The following NUP93 variants were observed in gnomAD, a reference collection of about 807,000 sequenced individuals.
The protein encoded by NUP93 is nucleoporin 93.
NUP93 carries 55 observed loss-of-function variants against 107.8 expected under a neutral mutation model. The ratio of observed to expected loss-of-function variants is 0.51; its 90% CI spans 0.41 to 0.64. NUP93 has a LOEUF of 0.64. NUP93 is among the 30% of genes least tolerant of loss of function. The pLI is 0.00. For missense variants in NUP93, 937 were observed against 1,044.7 expected (o/e 0.90, Z 1.42); for synonymous variants, 390 against 397.5 (o/e 0.98, Z 0.22).
chr16:56,839,573 G>A lies in NUP93; in HGVS notation c.2189G>A (p.Arg730Lys). The A allele has an allele frequency of 6.2e-7, 1 of 1,614,070 alleles. No homozygotes were observed. Among genetic ancestry groups the A allele is most frequent in the Non-Finnish European group, 8.5e-7 (1 of 1,179,966 alleles). Residue 730 changes from arginine to lysine, a missense_variant, in exon 20 of 22, where the codon AGA (arginine) becomes AAA (lysine). By Grantham distance (26) the Arg-to-Lys change is conservative (BLOSUM62 2). Coordinates refer to ENST00000308159, the MANE Select transcript of NUP93 (RefSeq NM_014669.5). ...CTGAATCAGGAAAGTGTGGAAGAGA[G>A]AGTGGCTGCCTTCAGAAATTTCAGT... Reference protein sequence around the residue: ...VPLNQESVEERVAAFRNFSDE... With the variant: ...VPLNQESVEEKVAAFRNFSDE...
At position 56,830,677 on chromosome 16, in the gene NUP93, G is replaced by A. The variant is rs1963765311; in HGVS notation, c.1077G>A (p.Lys359=). The A allele has an allele frequency of 6.4e-7, 1 of 1,573,580 alleles. No individual in the cohort carries two copies. Among genetic ancestry groups the A allele is most frequent in the South Asian group, 1.1e-5 (1 of 88,292 alleles). The change falls in exon 10 of 22, where the codon AAG becomes AAA. Residue 359 remains lysine (K), a synonymous_variant. Transcript: ENST00000308159. ...GGTTCCAGGAGTACATGAACAGCAAGGACAGAAGGTATGGTGAATGAGGTG... is the reference window on the plus strand; with the variant it reads ...GGTTCCAGGAGTACATGAACAGCAAAGACAGAAGGTATGGTGAATGAGGTG... The part of the protein sequence containing the change: ...KTWFQEYMNS[K]DRRLSPATEN...
chr16:56,840,681 T>C lies in NUP93; in HGVS notation c.2221-1024T>C, dbSNP rs573585246. Among the ~76,000 whole-genome samples the C allele has an allele frequency of 2.0e-5, 3 of 152,234 alleles. No individual in the cohort carries two copies. The South Asian group carries it at 6.2e-4, about 32-fold the overall frequency. ...TGGTCTTTCAGTTTACAATTCTTCC[T>C]CATTGAGCAGATGCCTTTTATAAAA... is the stretch of plus-strand genomic sequence containing the variant. On this transcript the variant is annotated intron_variant, in intron 20 of 21. Transcript: ENST00000308159.
At chr16:56,824,126 C>T (rs1385881217) in intron 8 of NUP93, among the ~76,000 whole-genome samples, 6 of 152,160 alleles carry the variant, frequency 3.9e-5, no homozygotes, top group Admixed American at 2.6e-4. Context: ...TCTCTTAATA[C>T]GTAAGGCCGT....
intron 3 of NUP93, among the ~76,000 whole-genome samples, chr16:56,778,102 G>A (rs141811658): frequency 6.9e-4 from 105 of 152,286 alleles, no homozygotes; most frequent in African/African-American, 2.4e-3. Flanking sequence ...GAAAAGTGAC[G>A]GACAGACTGA....
chr16:56,812,453 C>T (rs1157775577), intron 5 of NUP93, among the ~76,000 whole-genome samples: 2 of 152,038 alleles, frequency 1.3e-5, no homozygotes, highest in African/African-American at 2.4e-5. Flanking sequence ...GTGCCATTCT[C>T]CTGCCTCAGC....
At chr16:56,795,681 C>T (rs1259936043) in intron 3 of NUP93, among the ~76,000 whole-genome samples, 8 of 151,404 alleles carry the variant, frequency 5.3e-5, no homozygotes, top group African/African-American at 1.9e-4. Flanking sequence ...GATGGAGTAT[C>T]TGTCACCCAG....
chr16:56,771,963 T>C (rs555184198), intron 3 of NUP93, among the ~76,000 whole-genome samples: 2 of 152,370 alleles, frequency 1.3e-5, no homozygotes, highest in South Asian at 2.1e-4. Context: ...ATTATTTTGC[T>C]TTCTGTTTTA....
At chr16:56,798,586 G>C (rs1190071848) in intron 4 of NUP93, 48 bp downstream of exon 4, 1 of 1,468,180 alleles carries the variant, frequency 6.8e-7, no homozygotes, top group African/African-American at 1.4e-5. Context: ...AGGGCAAGAG[G>C]GCTGGGCGTG....
At chr16:56,808,503 T>TAGATAGTTATGTAACTATATATAA (rs1963220592) in intron 5 of NUP93, among the ~76,000 whole-genome samples, 1 of 114,940 alleles carries the variant, frequency 8.7e-6, no homozygotes, top group Non-Finnish European at 1.6e-5. Context: ...ACTATATAAA[T>TAGATAGTTATGTAACTATATATAA]ATATAGTTAT....
chr16:56,818,719 A>G lies in NUP93; in HGVS notation c.545A>G (p.Glu182Gly). The stretch of plus-strand genomic sequence containing the variant: ...GGTCGAAGCTCTCTGGATAACATCG[A>G]GATGGCCTATGCGCGGCAAGTGAGT... ...PPGRSSLDNI[E>G]MAYARQIYIY... The change falls in exon 6 of 22, where the codon GAG becomes GGG. Residue 182 changes from glutamate to glycine, a missense_variant. By Grantham distance (98) the Glu-to-Gly change is moderately conservative. Coordinates refer to ENST00000308159, the MANE Select transcript of NUP93 (RefSeq NM_014669.5). 6.2e-7 allele frequency: 1 copy of G among 1,614,164 alleles called. No homozygotes were observed.
chr16:56,788,165 T>C (rs911387454), intron 3 of NUP93, among the ~76,000 whole-genome samples: 1 of 152,126 alleles, frequency 6.6e-6, no homozygotes, highest in Non-Finnish European at 1.5e-5. Flanking sequence ...GCCTGGCTGC[T>C]CTCCCTCCCC....
chr16:56,763,204 G>A (rs1332488603), intron 3 of NUP93, among the ~76,000 whole-genome samples: 6 of 152,144 alleles, frequency 3.9e-5, no homozygotes, highest in African/African-American at 7.2e-5. Context: ...ATTGCTAGTC[G>A]TTCAGTACTG....
chr16:56,752,677 A>G (rs1567376192), intron 2 of NUP93, among the ~76,000 whole-genome samples: 1 of 152,234 alleles, frequency 6.6e-6, no homozygotes, highest in Non-Finnish European at 1.5e-5. Context: ...TAGAGATACA[A>G]GAGACTTAGA....
chr16:56,737,042 T>A (rs1458704542), intron 1 of NUP93, among the ~76,000 whole-genome samples: 2 of 152,180 alleles, frequency 1.3e-5, no homozygotes, highest in African/African-American at 2.4e-5. Context: ...CTTAGGGAAT[T>A]TTTACACATT....
At chr16:56,838,821 T>C in intron 18 of NUP93, 131 bp from the exon 19 acceptor site, 1 of 693,424 alleles carries the variant, frequency 1.4e-6, no homozygotes, top group Non-Finnish European at 2.6e-6. Flanking sequence ...CGCCCCAGCC[T>C]CCCATGTAGC....
intron 8 of NUP93, among the ~76,000 whole-genome samples, chr16:56,827,068 A>AAAAAAAG (rs1963681239): frequency 7.0e-6 from 1 of 143,552 alleles, no homozygotes; most frequent in Non-Finnish European, 1.5e-5. Context: ...AAAAAAAAAA[A>AAAAAAAG]ATTTTGTTGA....
At chr16:56,814,497 C>T (rs1296574352) in intron 5 of NUP93, among the ~76,000 whole-genome samples, 3 of 152,108 alleles carry the variant, frequency 2.0e-5, no homozygotes, top group East Asian at 1.9e-4. Flanking sequence ...GCCTGCATTT[C>T]GTTTTTTTCT....
chr16:56,832,521 A>G, intron 12 of NUP93, 133 bp downstream of exon 12: 1 of 658,028 alleles, frequency 1.5e-6, no homozygotes, highest in Non-Finnish European at 2.7e-6. Flanking sequence ...TGTCAAGGCA[A>G]AACACAACAA....
intron 10 of NUP93, among the ~76,000 whole-genome samples, chr16:56,831,261 A>G (rs755399683): frequency 6.6e-6 from 1 of 152,214 alleles, no homozygotes; most frequent in Non-Finnish European, 1.5e-5. Context: ...ATATATGTAC[A>G]TGTATGTAGA....
Sources: gnomAD v4.1 joint callset for allele counts (sites outside exome capture counted in the v4.1 genomes callset) on GRCh38, gnomAD v4.1.1 for gene constraint, MANE v1.5 for transcripts, NCBI Gene and HGNC (gene_info 2026-07-23, HGNC 2026-07-21) for gene names.